The following C13orf42 variants were observed in gnomAD, a reference collection of about 807,000 sequenced individuals.
C13orf42 encodes uncharacterized protein C13orf42.
intron 1 of C13orf42, among the ~76,000 whole-genome samples, chr13:51,151,626 G>A (rs537657861): frequency 3.3e-5 from 5 of 152,302 alleles, no homozygotes; most frequent in East Asian, 1.9e-4. Flanking sequence ...AAATATGCCC[G>A]GCATTCCAGA....
At chr13:51,146,193 A>G (rs201682877) in intron 1 of C13orf42, among the ~76,000 whole-genome samples, 75,277 of 151,500 alleles carry the variant, frequency 0.5, 18,872 homozygotes, top group African/African-American at 0.56. Context: ...GGCACCCAAA[A>G]TTAACCTATT....
chr13:51,164,174 T>G (rs940048135), intron 1 of C13orf42, among the ~76,000 whole-genome samples: 3 of 152,238 alleles, frequency 2.0e-5, no homozygotes, highest in African/African-American at 7.2e-5. Context: ...ATTGAAGTCA[T>G]GTCTACTGAT....
intron 1 of C13orf42, among the ~76,000 whole-genome samples, chr13:51,089,043 G>C (rs1395059777): frequency 6.6e-6 from 1 of 152,100 alleles, no homozygotes; most frequent in African/African-American, 2.4e-5. Context: ...GACTTGAGGA[G>C]AGGAAAAAAG....
chr13:51,161,523 C>T (rs1475109855), intron 1 of C13orf42, among the ~76,000 whole-genome samples: 2 of 152,114 alleles, frequency 1.3e-5, no homozygotes, highest in African/African-American at 4.8e-5. Flanking sequence ...ACACTCGAGG[C>T]CAATATTCCC....
In C13orf42 at chr13:51,148,670, T is replaced by C. The variant is rs549916384; in HGVS notation, n.136+23583A>G. Among the ~76,000 whole-genome samples the C allele has an allele frequency of 4.6e-5, 7 of 152,336 alleles. No homozygotes were observed. In the South Asian group the frequency reaches 1.2e-3, roughly 27 times the overall value. On this transcript the variant is annotated intron_variant and non_coding_transcript_variant, in intron 1 of 4. Transcript: ENST00000433280. ...ACCACATGGTGGGGCTTCTGGCTTATGGACAGGAACCCACTCCCACTGGGC... is the reference window on the plus strand; with the variant it reads ...ACCACATGGTGGGGCTTCTGGCTTACGGACAGGAACCCACTCCCACTGGGC...
At chr13:51,086,313 A>G (rs1475301888) in intron 2 of C13orf42, among the ~76,000 whole-genome samples, 3 of 135,770 alleles carry the variant, frequency 2.2e-5, no homozygotes, top group Non-Finnish European at 4.8e-5. Flanking sequence ...CTCAAAAAAA[A>G]AAACAAAAAA....
chr13:51,107,365 A>T (rs904891061), intron 1 of C13orf42, among the ~76,000 whole-genome samples: 4 of 152,260 alleles, frequency 2.6e-5, no homozygotes, highest in Admixed American at 1.3e-4. Context: ...CAGAGTGCTA[A>T]GCAAGGAACA....
At chr13:51,166,465 G>A (rs1344114704) in intron 1 of C13orf42, among the ~76,000 whole-genome samples, 1 of 98,980 alleles carries the variant, frequency 1.0e-5, no homozygotes, top group Non-Finnish European at 2.0e-5. Context: ...AGGGGGGAGG[G>A]ATAGCATCGG....
chr13:51,085,002 T>A (rs1385030343), intron 3 of C13orf42, among the ~76,000 whole-genome samples: 1 of 151,918 alleles, frequency 6.6e-6, no homozygotes, highest in Non-Finnish European at 1.5e-5. Context: ...TAGCATGCCA[T>A]GCGTCAATGG....
chr13:51,156,847 A>G (rs907076085), intron 1 of C13orf42, among the ~76,000 whole-genome samples: 11 of 152,190 alleles, frequency 7.2e-5, no homozygotes, highest in African/African-American at 2.7e-4. Flanking sequence ...GCCAGCTCTC[A>G]TTCAGGCCAG....
chr13:51,125,219 T>C (rs929610333), intron 1 of C13orf42, among the ~76,000 whole-genome samples: 1 of 152,214 alleles, frequency 6.6e-6, no homozygotes, highest in Admixed American at 6.5e-5. Context: ...CATAAATCTT[T>C]CAAGGTTTGC....
intron 1 of C13orf42, among the ~76,000 whole-genome samples, chr13:51,158,615 T>C (rs777801402): frequency 9.9e-5 from 15 of 152,174 alleles, no homozygotes; most frequent in Non-Finnish European, 1.6e-4. Flanking sequence ...TTGTAGGCCT[T>C]CCAGCAGGGT....
chr13:51,145,757 G>C (rs1953729566), intron 1 of C13orf42, among the ~76,000 whole-genome samples: 1 of 152,062 alleles, frequency 6.6e-6, no homozygotes, highest in African/African-American at 2.4e-5. Flanking sequence ...TCTGTGACCT[G>C]GAAGCTCCCT....
intron 1 of C13orf42, among the ~76,000 whole-genome samples, chr13:51,140,475 C>G (rs1953687762): frequency 6.6e-6 from 1 of 152,156 alleles, no homozygotes; most frequent in Non-Finnish European, 1.5e-5. Context: ...TGGGGGGATT[C>G]TGAATGGAGA....
In C13orf42 at chr13:51,083,789, G is replaced by T; in HGVS notation, c.*362C>A. On this transcript the variant is annotated 3_prime_UTR_variant, in exon 4 of 4. Coordinates refer to ENST00000563710, the MANE Select transcript of C13orf42 (RefSeq NM_001351589.3). ...GTTCATTTCTGGTACTGAGCACATTGCTAGCAGCCACCTGGACAGACACGT... is the reference window on the plus strand; with the variant it reads ...GTTCATTTCTGGTACTGAGCACATTTCTAGCAGCCACCTGGACAGACACGT... The T allele has an allele frequency of 5.8e-6, 1 of 171,564 alleles. No homozygotes were observed. Among genetic ancestry groups the T allele is most frequent in the Non-Finnish European group, 1.2e-5 (1 of 81,242 alleles). 10.6% of individuals were successfully genotyped at this position (171,564 alleles called of 1,614,324 possible). A position where few individuals can be genotyped will look rare whatever the true frequency, so the allele number is the denominator to read the frequency against.
intron 1 of C13orf42, among the ~76,000 whole-genome samples, chr13:51,119,803 G>A (rs1306256144): frequency 6.6e-6 from 1 of 152,148 alleles, no homozygotes; most frequent in Non-Finnish European, 1.5e-5. Context: ...AGTTTGGGAA[G>A]ATGAAAAGAG....
chr13:51,084,223 G>A lies in C13orf42; in HGVS notation c.906C>T (p.Asp302=). 2.5e-6 allele frequency: 1 copy of A among 398,708 alleles called. No homozygotes were observed. Among genetic ancestry groups the A allele is most frequent in the Non-Finnish European group, 4.4e-6 (1 of 226,124 alleles). The allele number at this position is 398,708 out of a possible 1,614,324, so 24.7% of individuals were successfully genotyped here. ...CTTTGGGGTTCTCTGTCTCATAGTA[G>A]TCCTCCCCAGGAGACAACTGGGGCT... is the stretch of plus-strand genomic sequence containing the variant. ...ALEPQLSPGE[D]YYETENPKGQ... Residue 302 remains aspartate, a synonymous_variant, in exon 4 of 4, where the codon GAC becomes GAT. Transcript: ENST00000563710.
At chr13:51,168,464 G>A (rs966480235) in intron 1 of C13orf42, among the ~76,000 whole-genome samples, 1 of 152,226 alleles carries the variant, frequency 6.6e-6, no homozygotes, top group Non-Finnish European at 1.5e-5. Flanking sequence ...TGACAAGTGG[G>A]AAGTAGTTGG....
intron 2 of C13orf42, 140 bp downstream of exon 2, chr13:51,087,788 G>C (rs1466076145): frequency 2.5e-6 from 1 of 394,880 alleles, no homozygotes; most frequent in Non-Finnish European, 4.5e-6. Context: ...TGGAGGTGCA[G>C]GGTTTCCCTT....
Sources: allele counts gnomAD v4.1 joint callset (sites outside exome capture counted in the v4.1 genomes callset), GRCh38; gene constraint gnomAD v4.1.1; transcripts MANE v1.5; gene names NCBI Gene and HGNC (gene_info 2026-07-23, HGNC 2026-07-21).